The following PRDM15 variants were observed in gnomAD, a reference collection of about 807,000 sequenced individuals.
PRDM15 encodes the protein PR/SET domain 15, also known as PR domain zinc finger protein 15.
Under a neutral mutation model 128.6 loss-of-function variants are expected in PRDM15, and 64 were observed. That is an observed-to-expected ratio of 0.50 (90% confidence interval 0.41 to 0.61). The LOEUF is 0.61. PRDM15 is among the 20% of genes least tolerant of loss of function. The pLI is 0.00. For missense variants in PRDM15, 1,242 were observed against 1,569.1 expected (o/e 0.79, Z 3.52); for synonymous variants, 615 against 621.8 (o/e 0.99, Z 0.16).
chr21:41,874,946 CGGGCTTGGA>C (rs999912469), intron 1 of PRDM15: 1 of 152,294 alleles, frequency 6.6e-6, no homozygotes, highest in Non-Finnish European at 1.5e-5. Context: ...TCAGACCCCA[CGGGCTTGGA>C]GGACTCCAGG....
Position 41,859,835 on chromosome 21 carries a change from T to TGC in PRDM15, c.38-152_38-151dup. 1.4e-6 allele frequency: 1 copy of TGC among 694,184 alleles called. No individual in the cohort carries two copies. Among genetic ancestry groups the TGC allele is most frequent in the Non-Finnish European group, 2.5e-6 (1 of 398,216 alleles). 43.0% of individuals were successfully genotyped at this position (694,184 alleles called of 1,614,324 possible). A position where few individuals can be genotyped will look rare whatever the true frequency, so the allele number is the denominator to read the frequency against. ...CACTGCAAAGACAAGCAAGGGAGGG[T>TGC]GCATTGGATGGCAGAAGGCCTGTGT... On this transcript the variant is annotated intron_variant, in intron 2 of 23. Coordinates refer to ENST00000398548, the MANE Select transcript of PRDM15 (RefSeq NM_001040424.3). The surrounding 1 kb of genome is among the most constrained non-coding windows in gnomAD (Gnocchi z 5.3).
Position 41,810,003 on chromosome 21 carries a change from G to A in PRDM15, c.2652+151C>T. 1.4e-6 allele frequency: 1 copy of A among 716,930 alleles called. No homozygotes were observed. The highest frequency in any genetic ancestry group is 2.3e-6 in the Non-Finnish European group (1 of 442,928). 44.4% of individuals were successfully genotyped at this position (716,930 alleles called of 1,614,324 possible). On this transcript the variant is annotated intron_variant, in intron 21 of 23. Coordinates refer to ENST00000398548, the MANE Select transcript of PRDM15 (RefSeq NM_001040424.3). The surrounding 1 kb of genome is among the most constrained non-coding windows in gnomAD (Gnocchi z 6.4). ...CCACTCACTCAGTGCCTCCTGTGTGGCAGGCAGTGCCAGTCACAGACGCAC... is the reference window on the plus strand; with the variant it reads ...CCACTCACTCAGTGCCTCCTGTGTGACAGGCAGTGCCAGTCACAGACGCAC...
At chr21:41,871,570 T>C in intron 1 of PRDM15, 2 of 1,612,312 alleles carry the variant, frequency 1.2e-6, no homozygotes, top group South Asian at 1.1e-5. Context: ...CCTCATTCCC[T>C]AGAGATGTTT....
intron 1 of PRDM15, chr21:41,861,537 C>CG (rs756420180): frequency 5.2e-6 from 8 of 1,543,256 alleles, no homozygotes; most frequent in Middle Eastern, 2.3e-4. Flanking sequence ...CTCCTCTGCC[C>CG]CCCCCCAATC....
chr21:41,832,498 T>G lies in PRDM15; in HGVS notation c.1366+2939A>C, dbSNP rs2062729165. Among the ~76,000 whole-genome samples the G allele has an allele frequency of 6.6e-6, 1 of 152,136 alleles. No homozygotes were observed. Among genetic ancestry groups the G allele is most frequent in the Non-Finnish European group, 1.5e-5 (1 of 68,022 alleles). On this transcript the variant is annotated intron_variant, in intron 11 of 23. Transcript: ENST00000398548. The surrounding 1 kb of genome is among the most constrained non-coding windows in gnomAD (Gnocchi z 4.2). ...CACAGGCCACACCTTTACAGTGCTG[T>G]GGCAACGGATCACCATAGGCCACAC... is the stretch of plus-strand genomic sequence containing the variant.
At position 41,861,576 on chromosome 21, in the gene PRDM15, C is replaced by T. The variant is rs754529030; in HGVS notation, c.-9-1204G>A. ...AACTGTGCGCACCGGCATGTCCTTC[C>T]TGCAACCTGCTTCTCTGATGCCCGT... On this transcript the variant is annotated intron_variant, in intron 1 of 23. Coordinates refer to ENST00000398548, the MANE Select transcript of PRDM15 (RefSeq NM_001040424.3). 14 of 1,611,670 alleles carry T rather than the reference C, an allele frequency of 8.7e-6. No individual in the cohort carries two copies. The East Asian group carries it at 3.1e-4, about 36-fold the overall frequency.
chr21:41,821,265 C>T lies in PRDM15; in HGVS notation c.1897-35G>A, dbSNP rs745599448. 8.7e-6 allele frequency: 14 copies of T among 1,612,112 alleles called. No homozygotes were observed. The highest frequency in any genetic ancestry group is 4.0e-5 in the African/African-American group (3 of 74,872). On this transcript the variant is annotated intron_variant, in intron 15 of 23. Transcript: ENST00000398548. The surrounding 1 kb of genome is among the most constrained non-coding windows in gnomAD (Gnocchi z 5.4). Reference sequence around the variant, plus strand: ...AGGTGGACAGGGCACTGCTGACACCCGCATGAGGTCCCTGGTCCTCTTAGC... The same window carrying T: ...AGGTGGACAGGGCACTGCTGACACCTGCATGAGGTCCCTGGTCCTCTTAGC...
chr21:41,871,504 G>A (rs1258721068), intron 1 of PRDM15: 3 of 1,603,564 alleles, frequency 1.9e-6, no homozygotes, highest in African/African-American at 2.7e-5. Flanking sequence ...CAGGAGGTAG[G>A]GCAGGATTGC....
chr21:41,820,024 G>C (rs752235078), intron 17 of PRDM15, 71 bp downstream of exon 17: 52 of 1,288,220 alleles, frequency 4.0e-5, no homozygotes, highest in Non-Finnish European at 5.7e-5. Flanking sequence ...AATACGCGGA[G>C]ACCCCCAGCA....
intron 1 of PRDM15, among the ~76,000 whole-genome samples, chr21:41,869,866 C>A (rs556389421): frequency 2.0e-5 from 3 of 152,340 alleles, no homozygotes; most frequent in Middle Eastern, 3.4e-3. Flanking sequence ...CCCATGGCCT[C>A]GGCACTGCTG....
chr21:41,806,933 CCATCACCACCACCATCTCCACCACCAT>C (rs2061696789), intron 21 of PRDM15, among the ~76,000 whole-genome samples: 1 of 150,278 alleles, frequency 6.7e-6, no homozygotes, highest in Non-Finnish European at 1.5e-5. Flanking sequence ...ACCACTATCA[CCATCACCACCACCATCTCCACCACCAT>C]CATCACCACC....
intron 21 of PRDM15, among the ~76,000 whole-genome samples, chr21:41,806,059 ATC>A (rs2061574365): frequency 1.5e-5 from 2 of 129,640 alleles, no homozygotes; most frequent in African/African-American, 6.7e-5. Flanking sequence ...CACCACCACC[ATC>A]ACCATCACCA....
chr21:41,853,179 G>A (rs1413709699), intron 5 of PRDM15, among the ~76,000 whole-genome samples: 2 of 152,204 alleles, frequency 1.3e-5, no homozygotes, highest in African/African-American at 2.4e-5. Context: ...TGGGGGCAGC[G>A]CAGCGCCGGG....
chr21:41,806,753 C>T (rs1354880568), intron 21 of PRDM15, among the ~76,000 whole-genome samples: 1 of 147,126 alleles, frequency 6.8e-6, no homozygotes, highest in Non-Finnish European at 1.5e-5. Flanking sequence ...CCACCATCAC[C>T]ACCGCCACCA....
In PRDM15 at chr21:41,832,301, C is replaced by A. The variant is rs942953626; in HGVS notation, c.1366+3136G>T. 7.2e-5 allele frequency among the ~76,000 whole-genome samples: 11 copies of A among 152,206 alleles called. 1 individual carries two copies. Among genetic ancestry groups the A allele is most frequent in the East Asian group, 3.9e-4 (2 of 5,168 alleles). On this transcript the variant is annotated intron_variant, in intron 11 of 23. Coordinates refer to ENST00000398548, the MANE Select transcript of PRDM15 (RefSeq NM_001040424.3). This position sits in a 1 kb window ranked among gnomAD's most constrained non-coding sequence, Gnocchi z 4.2. ...CTTTGTGAAAGGCCACACCTTACAGCGCTGTGGCATCAGATTGCCACAGGC... is the reference window on the plus strand; with the variant it reads ...CTTTGTGAAAGGCCACACCTTACAGAGCTGTGGCATCAGATTGCCACAGGC...
At position 41,828,117 on chromosome 21, in the gene PRDM15, C is replaced by A. The variant is rs778463668; in HGVS notation, c.1534+49G>T. ...TGCTCCATGCCGCCCTGCCCCACCC[C>A]GCAGGAGCTGCCTCTCCCCGCCCGC... On this transcript the variant is annotated intron_variant, in intron 12 of 23. Coordinates refer to ENST00000398548, the MANE Select transcript of PRDM15 (RefSeq NM_001040424.3). This position sits in a 1 kb window ranked among gnomAD's most constrained non-coding sequence, Gnocchi z 5.7. 5 of 1,601,650 alleles carry A rather than the reference C, an allele frequency of 3.1e-6. No individual in the cohort carries two copies. The highest frequency in any genetic ancestry group is 1.3e-5 in the African/African-American group (1 of 74,722).
chr21:41,826,185 C>T (rs891726838), intron 12 of PRDM15, 131 bp from the exon 13 acceptor site: 12 of 676,374 alleles, frequency 1.8e-5, no homozygotes, highest in East Asian at 1.4e-4. Flanking sequence ...GGGACAGAAG[C>T]GTGGCAGTTT....
Position 41,879,064 on chromosome 21 carries a change from G to A in PRDM15, c.-10+206C>T. The A allele has an allele frequency of 8.8e-7, 1 of 1,133,738 alleles. No homozygotes were observed. Among genetic ancestry groups the A allele is most frequent in the South Asian group, 1.9e-5 (1 of 52,142 alleles). 70.2% of individuals were successfully genotyped at this position (1,133,738 alleles called of 1,614,324 possible). A position where few individuals can be genotyped will look rare whatever the true frequency, so the allele number is the denominator to read the frequency against. On this transcript the variant is annotated intron_variant, in intron 1 of 23. Coordinates refer to ENST00000398548, the MANE Select transcript of PRDM15 (RefSeq NM_001040424.3). This position sits in a 1 kb window ranked among gnomAD's most constrained non-coding sequence, Gnocchi z 5.1. ...GGAAATCCAGCCGGGTTTTGACTCC[G>A]ATCGCCAACGGTGCCCGCAGCCGGC... is the stretch of plus-strand genomic sequence containing the variant.
intron 13 of PRDM15, among the ~76,000 whole-genome samples, chr21:41,824,694 A>T (rs974279891): frequency 6.6e-6 from 1 of 151,638 alleles, no homozygotes; most frequent in African/African-American, 2.4e-5. Flanking sequence ...TCGCAAAGTC[A>T]CTCCAACTCA....
Sources: allele counts gnomAD v4.1 joint callset (sites outside exome capture counted in the v4.1 genomes callset), GRCh38; gene constraint gnomAD v4.1.1; non-coding constraint Gnocchi (gnomAD v3.1); transcripts MANE v1.5; gene names NCBI Gene and HGNC (gene_info 2026-07-23, HGNC 2026-07-21).